FLVCR1: variants seen among roughly 807,000 people sequenced by gnomAD.
FLVCR1 encodes the protein choline/ethanolamine transporter FLVCR1.
A neutral mutation model predicts 53.6 loss-of-function variants in FLVCR1; 34 were observed. The ratio of observed to expected loss-of-function variants is 0.63; its 90% CI spans 0.48 to 0.84. The LOEUF is 0.84. FLVCR1 is among the 40% of genes least tolerant of loss of function. FLVCR1 has a pLI of 0.00. For synonymous variants in FLVCR1, 300 were observed against 286.3 expected (o/e 1.05, Z -0.48); for missense variants, 677 against 696.7 (o/e 0.97, Z 0.32).
intron 3 of FLVCR1, among the ~76,000 whole-genome samples, chr1:212,875,978 G>A (rs929397817): frequency 1.7e-4 from 26 of 151,122 alleles, no homozygotes; most frequent in Admixed American, 1.6e-3. Flanking sequence ...CCTCCACCTC[G>A]CAGGTTCAAG....
At position 212,883,403 on chromosome 1, in the gene FLVCR1, A is replaced by G. The variant is rs750300828; in HGVS notation, c.1057A>G (p.Thr353Ala). 6.3e-7 allele frequency: 1 copy of G among 1,582,008 alleles called. No homozygotes were observed. Among genetic ancestry groups the G allele is most frequent in the East Asian group, 2.2e-5 (1 of 44,662 alleles). Reference protein sequence around the residue: ...IMTGAFYSVSTLLNQMILTYY... With the variant: ...IMTGAFYSVSALLNQMILTYY... ...GACTGGTGCCTTTTATTCAGTCTCA[A>G]CGTTATTAAATCAAATGATATTGAC... The change falls in exon 4 of 10, where the codon ACG (threonine) becomes GCG (alanine). Residue 353 changes from threonine to alanine, a missense_variant. Thr to Ala is a moderately conservative substitution (Grantham distance 58, BLOSUM62 0). Transcript: ENST00000366971.
At chr1:212,894,306 G>A (rs148803018) in intron 8 of FLVCR1, among the ~76,000 whole-genome samples, 9,001 of 151,988 alleles carry the variant, frequency 0.059, 322 homozygotes, top group East Asian at 0.15. Flanking sequence ...GGTGCGTGCC[G>A]CCACGCCTGG....
intron 2 of FLVCR1, among the ~76,000 whole-genome samples, chr1:212,871,955 T>A (rs934331779): frequency 6.6e-6 from 1 of 152,208 alleles, no homozygotes; most frequent in Non-Finnish European, 1.5e-5. Flanking sequence ...CTAGCTCTGC[T>A]TCCATGAATC....
intron 3 of FLVCR1, among the ~76,000 whole-genome samples, chr1:212,875,692 T>A (rs982684188): frequency 3.3e-5 from 5 of 151,468 alleles, no homozygotes; most frequent in African/African-American, 9.7e-5. Context: ...ATACAAAAAT[T>A]AGCTGGGCAT....
chr1:212,872,382 T>G (rs1664626037), intron 2 of FLVCR1, among the ~76,000 whole-genome samples: 1 of 152,196 alleles, frequency 6.6e-6, no homozygotes, highest in Non-Finnish European at 1.5e-5. Flanking sequence ...AATAGAATAA[T>G]CAGTAGGCAA....
intron 8 of FLVCR1, among the ~76,000 whole-genome samples, chr1:212,889,810 C>T (rs1665146151): frequency 1.3e-5 from 2 of 151,648 alleles, no homozygotes; most frequent in South Asian, 4.2e-4. Flanking sequence ...GACCTGGCCT[C>T]AAATTCCGAT....
At chr1:212,892,243 G>C (rs2102573624) in intron 8 of FLVCR1, among the ~76,000 whole-genome samples, 1 of 152,364 alleles carries the variant, frequency 6.6e-6, no homozygotes, top group South Asian at 2.1e-4. Flanking sequence ...GATGAAACAG[G>C]CTTATACTGG....
intron 3 of FLVCR1, 43 bp downstream of exon 3, chr1:212,872,861 T>C (rs1664643368): frequency 6.2e-7 from 1 of 1,609,124 alleles, no homozygotes. Context: ...TGTGTGAGCC[T>C]TTCAGCATTG....
chr1:212,885,234 A>G (rs1359562411), intron 4 of FLVCR1, 59 bp from the exon 5 acceptor site: 20 of 1,112,952 alleles, frequency 1.8e-5, no homozygotes, highest in Non-Finnish European at 2.6e-5. Context: ...TGGGAATGTG[A>G]AGAGTCTGAA....
At chr1:212,875,907 A>G (rs543868849) in intron 3 of FLVCR1, among the ~76,000 whole-genome samples, 3 of 150,646 alleles carry the variant, frequency 2.0e-5, no homozygotes, top group Non-Finnish European at 4.4e-5. Context: ...TCTCGGTTTT[A>G]TTGGTCTCTC....
In FLVCR1 at chr1:212,895,804, C is replaced by T. The variant is rs1413609941; in HGVS notation, c.*514C>T. 1 of 165,252 alleles carries T rather than the reference C, an allele frequency of 6.1e-6. No individual in the cohort carries two copies. The highest frequency in any genetic ancestry group is 1.3e-5 in the Non-Finnish European group (1 of 75,720). The allele number at this position is 165,252 out of a possible 1,614,324, so 10.2% of individuals were successfully genotyped here. ...CTTCAGTTTGAGTACAACATACCAA[C>T]ATGACACTACTCACCCACAAAGGAC... On this transcript the variant is annotated 3_prime_UTR_variant, in exon 10 of 10. Coordinates refer to ENST00000366971, the MANE Select transcript of FLVCR1 (RefSeq NM_014053.4).
chr1:212,878,988 CAA>C (rs35604707), intron 3 of FLVCR1, among the ~76,000 whole-genome samples: 29 of 146,702 alleles, frequency 2.0e-4, no homozygotes, highest in Non-Finnish European at 3.9e-4. Flanking sequence ...GATCCTGTCT[CAA>C]AAAAAAAAAG....
intron 2 of FLVCR1, among the ~76,000 whole-genome samples, chr1:212,865,819 T>C (rs530481540): frequency 0.011 from 1,596 of 138,812 alleles, 10 homozygotes; most frequent in South Asian, 0.026. Flanking sequence ...TTCTCTCTCT[T>C]TTTTTTTTTT....
At position 212,863,675 on chromosome 1, in the gene FLVCR1, A is replaced by G. The variant is rs41296716; in HGVS notation, c.739-50A>G. ...TATGTTCTGTTAATTGCCAGCATTT[A>G]CTTTTTTCTCTAATGATAATAGCTG... On this transcript the variant is annotated intron_variant, in intron 1 of 9. Transcript: ENST00000366971. The G allele has an allele frequency of 2.8e-3, 4,319 of 1,569,912 alleles. 66 individuals carry two copies. The African/African-American group carries it at 0.037, about 13-fold the overall frequency.
chr1:212,894,812 T>C (rs1265018100), intron 8 of FLVCR1, among the ~76,000 whole-genome samples, 174 bp from the exon 9 acceptor site: 3 of 152,236 alleles, frequency 2.0e-5, no homozygotes, highest in African/African-American at 7.2e-5. Context: ...GAATGACTTA[T>C]TAATTGTTAA....
intron 8 of FLVCR1, 101 bp downstream of exon 8, chr1:212,889,358 G>C: frequency 1.3e-6 from 1 of 762,922 alleles, no homozygotes; most frequent in Admixed American, 2.0e-5. Context: ...GGAAAAAAAT[G>C]AGATAAAAAG....
intron 2 of FLVCR1, among the ~76,000 whole-genome samples, chr1:212,871,681 C>A (rs1356062311): frequency 6.6e-6 from 1 of 152,100 alleles, no homozygotes; most frequent in African/African-American, 2.4e-5. Flanking sequence ...CCATGCCTGA[C>A]CTGTGAATTA....
chr1:212,891,422 G>A (rs796176561), intron 8 of FLVCR1, among the ~76,000 whole-genome samples: 1 of 147,492 alleles, frequency 6.8e-6, no homozygotes. Context: ...TCCAGCCTGG[G>A]TGACAAAGTG....
chr1:212,872,875 A>C (rs1238263910), intron 3 of FLVCR1, 57 bp downstream of exon 3: 1 of 1,594,792 alleles, frequency 6.3e-7, no homozygotes, highest in Non-Finnish European at 8.6e-7. Flanking sequence ...AGCATTGTGG[A>C]TTCTTTTCAT....
Sources: gnomAD v4.1 joint callset for allele counts (sites outside exome capture counted in the v4.1 genomes callset) on GRCh38, gnomAD v4.1.1 for gene constraint, MANE v1.5 for transcripts, NCBI Gene and HGNC (gene_info 2026-07-23, HGNC 2026-07-21) for gene names.